DENND1C: variants seen among roughly 807,000 people sequenced by gnomAD.
DENND1C encodes DENN domain containing 1C.
In DENND1C, 64 loss-of-function variants were observed where a neutral mutation model predicts 87.9. The observed-to-expected ratio is 0.73, with a 90% CI of 0.60 to 0.90. The LOEUF is 0.90. Among genes scored for constraint, DENND1C ranks in the 40% least tolerant of loss-of-function variants. DENND1C has a pLI of 0.00. For synonymous variants in DENND1C, 384 were observed against 424.4 expected, an observed-to-expected ratio of 0.90 and a Z score of 1.17; for missense variants, 980 against 1,037.0, an observed-to-expected ratio of 0.95 and a Z score of 0.76.
chr19:6,480,303 G>A, intron 1 of DENND1C: 1 of 1,404,386 alleles, frequency 7.1e-7, no homozygotes, highest in Non-Finnish European at 9.3e-7. Context: ...GATTGTGTGT[G>A]GCTGAGTGCA....
At chr19:6,468,691 G>C in intron 20 of DENND1C, 46 bp from the exon 21 acceptor site, 2 of 1,429,148 alleles carry the variant, frequency 1.4e-6, no homozygotes, top group Non-Finnish European at 1.9e-6. Flanking sequence ...TGCAGAATCG[G>C]GGGGCTGAGG....
At chr19:6,476,585 G>C (rs1347445081) in intron 10 of DENND1C, 2 of 427,390 alleles carry the variant, frequency 4.7e-6, no homozygotes, top group Non-Finnish European at 4.2e-6. Flanking sequence ...CAGTGTCCCT[G>C]AGGGTCCGGA....
At position 6,475,896 on chromosome 19, in the gene DENND1C, G is replaced by T; in HGVS notation, c.720C>A (p.Pro240=). Residue 240 remains proline, a synonymous_variant, in exon 11 of 23, where the codon CCC becomes CCA. Coordinates refer to ENST00000381480, the MANE Select transcript of DENND1C (RefSeq NM_024898.4). Reference sequence around the variant, plus strand: ...GGATCAGCACGTGCTCCCAGCGCATGGGGTACAGGAGCGCGCAGGACGCGT... The same window carrying T: ...GGATCAGCACGTGCTCCCAGCGCATTGGGTACAGGAGCGCGCAGGACGCGT... ...CVHASCALLY[P]MRWEHVLIPT... 1 of 1,567,030 alleles carries T rather than the reference G, an allele frequency of 6.4e-7. No individual in the cohort carries two copies. Among genetic ancestry groups the T allele is most frequent in the East Asian group, 2.3e-5 (1 of 43,714 alleles).
In DENND1C at chr19:6,476,966, C is replaced by G. The variant is rs1351517900; in HGVS notation, c.569G>C (p.Arg190Thr). The G allele has an allele frequency of 6.2e-7, 1 of 1,613,716 alleles. No individual in the cohort carries two copies. The highest frequency in any genetic ancestry group is 8.5e-7 in the Non-Finnish European group (1 of 1,179,806). ...GGCCACCACCAGCTCCGTTAGGTTC[C>G]TCTGAGGATCAGAGAGTCGCTCTGG... ...SGRLPSIPEN[R>T]NLTELVVAVT... Residue 190 changes from arginine (R) to threonine (T), a missense_variant and splice_region_variant, in exon 10 of 23, where the codon AGG becomes ACG. Arg to Thr is a moderately conservative substitution (Grantham distance 71, BLOSUM62 -1). Transcript: ENST00000381480.
chr19:6,468,807 T>TA, intron 20 of DENND1C, 39 bp downstream of exon 20: 2 of 1,484,212 alleles, frequency 1.3e-6, no homozygotes. Context: ...GATTCAGTGA[T>TA]AATTCCAGGT....
At chr19:6,469,005 C>T (rs944800881) in intron 19 of DENND1C, 52 bp from the exon 20 acceptor site, 2 of 1,084,128 alleles carry the variant, frequency 1.8e-6, no homozygotes, top group East Asian at 3.0e-5. Context: ...CTCCCCACCA[C>T]CCCCTACCAT....
In DENND1C at chr19:6,467,634, C is replaced by T. The variant is rs757345339; in HGVS notation, c.2276G>A (p.Arg759His). ...ARPPKALLAE[R>H]AHLQPREEPG... ...TTCCTCCCGTGGCTGGAGGTGAGCG[C>T]GCTCTGCCAGCAGGGCTTTGGGAGG... The change falls in exon 23 of 23, where the codon CGC becomes CAC. Residue 759 changes from arginine (R) to histidine (H), a missense_variant. Transcript: ENST00000381480. 2.6e-5 allele frequency: 40 copies of T among 1,551,104 alleles called. No individual in the cohort carries two copies. Among genetic ancestry groups the T allele is most frequent in the Admixed American group, 8.3e-5 (4 of 48,084 alleles).
At chr19:6,474,491 C>G (rs749852787) in intron 14 of DENND1C, among the ~76,000 whole-genome samples, 2 of 152,208 alleles carry the variant, frequency 1.3e-5, no homozygotes, top group Non-Finnish European at 1.5e-5. Context: ...GGGACTTCTC[C>G]AAAGCCTTGG....
Position 6,479,388 on chromosome 19 carries a change from CTGAATCCT to C in DENND1C, c.176+273_176+280del, listed in dbSNP as rs1179269305. Among the ~76,000 whole-genome samples the C allele has an allele frequency of 3.9e-4, 57 of 144,360 alleles. 3 individuals are homozygous for C. The highest frequency in any genetic ancestry group is 1.6e-3 in the African/African-American group (56 of 34,636). The allele number at this position is 144,360 out of a possible 152,430, so 94.7% of individuals were successfully genotyped here. Reference sequence around the variant, plus strand: ...TCTGAGTCTCTGGGTTCCGAAGTCCCTGAATCCTTGTGTCCCTGAGTCCTTGAGTCTCT... The same window carrying C: ...TCTGAGTCTCTGGGTTCCGAAGTCCCTGTGTCCCTGAGTCCTTGAGTCTCT... On this transcript the variant is annotated intron_variant, in intron 4 of 22. Coordinates refer to ENST00000381480, the MANE Select transcript of DENND1C (RefSeq NM_024898.4).
chr19:6,469,003 C>G (rs911862860), intron 19 of DENND1C, 50 bp from the exon 20 acceptor site: 79 of 1,088,042 alleles, frequency 7.3e-5, no homozygotes, highest in Non-Finnish European at 9.6e-5. Flanking sequence ...GTCTCCCCAC[C>G]ACCCCCTACC....
At chr19:6,481,199 C>CAGGGAGATCTAG (rs1913541593) in intron 1 of DENND1C, among the ~76,000 whole-genome samples, 1 of 151,628 alleles carries the variant, frequency 6.6e-6, no homozygotes, top group Non-Finnish European at 1.5e-5. Context: ...AGGAGAGAGA[C>CAGGGAGATCTAG]AGGGAGATCT....
chr19:6,472,713 A>G (rs2092836292), intron 15 of DENND1C, among the ~76,000 whole-genome samples, 176 bp downstream of exon 15: 1 of 152,150 alleles, frequency 6.6e-6, no homozygotes, highest in Non-Finnish European at 1.5e-5. Flanking sequence ...TTAGGAATCC[A>G]GGAGTTCAGT....
At chr19:6,480,500 CTCTG>C (rs1053591234) in intron 1 of DENND1C, 12 of 983,412 alleles carry the variant, frequency 1.2e-5, no homozygotes, top group Non-Finnish European at 1.4e-5. Flanking sequence ...GTCTGTCTGT[CTCTG>C]TCTATCCATC....
chr19:6,473,295 C>G (rs1179214964), intron 14 of DENND1C, among the ~76,000 whole-genome samples: 3 of 152,054 alleles, frequency 2.0e-5, no homozygotes, highest in Admixed American at 6.6e-5. Context: ...GCTGGGACTA[C>G]AGGCACGTGC....
rs369846201 is a variant in DENND1C, at chr19:6,475,254, G to T, written c.1053+20C>A. On this transcript the variant is annotated intron_variant, in intron 14 of 22. Transcript: ENST00000381480. Reference sequence around the variant, plus strand: ...TTCAGGAACCCACGAGACCTCTCCCGCAGCGTCCCCGCTGCTCACCGGGCT... The same window carrying T: ...TTCAGGAACCCACGAGACCTCTCCCTCAGCGTCCCCGCTGCTCACCGGGCT... The T allele has an allele frequency of 2.5e-6, 4 of 1,612,074 alleles. No individual in the cohort carries two copies. The South Asian group carries it at 4.4e-5, about 18-fold the overall frequency.
intron 15 of DENND1C, 66 bp downstream of exon 15, chr19:6,472,823 G>C (rs1599381995): frequency 7.4e-7 from 1 of 1,343,052 alleles, no homozygotes; most frequent in East Asian, 2.8e-5. Context: ...TGCCAGTTCA[G>C]ACAAGCCCTC....
chr19:6,477,353 C>T (rs754400188), intron 7 of DENND1C, 25 bp downstream of exon 7: 13 of 1,612,746 alleles, frequency 8.1e-6, no homozygotes, highest in Middle Eastern at 1.6e-4. Context: ...TAAGGTCCAG[C>T]GCCCAGGGAA....
rs374096460 is a variant in DENND1C at position 6,475,301 on chromosome 19, C to T, written c.1026G>A (p.Gly342=). The part of the protein sequence containing the change: ...FLKAQALLFG[G]YRDALVCSPG... ...GGCTGCAGACGAGTGCGTCGCGGTA[C>T]CCCCCGAAGAGCAGGGCCTGGGCTT... The change falls in exon 14 of 23, where the codon GGG becomes GGA. Residue 342 remains glycine, a synonymous_variant. Transcript: ENST00000381480. 16 of 1,613,066 alleles carry T rather than the reference C, an allele frequency of 9.9e-6. No homozygotes were observed. Among genetic ancestry groups the T allele is most frequent in the East Asian group, 4.5e-5 (2 of 44,876 alleles).
chr19:6,479,364 C>G lies in DENND1C; in HGVS notation c.176+305G>C, dbSNP rs991984296. Among the ~76,000 whole-genome samples, 17 of 150,248 alleles carry G rather than the reference C, an allele frequency of 1.1e-4. 2 individuals carry two copies. Among genetic ancestry groups the G allele is most frequent in the African/African-American group, 4.0e-4 (16 of 40,042 alleles). On this transcript the variant is annotated intron_variant, in intron 4 of 22. Transcript: ENST00000381480. ...CCCTGAGTCCCTGGTCCCTGAGTTT[C>G]TGAGTCTCTGGGTTCCGAAGTCCCT...
Sources: allele counts gnomAD v4.1 joint callset (sites outside exome capture counted in the v4.1 genomes callset), GRCh38; gene constraint gnomAD v4.1.1; transcripts MANE v1.5; gene names NCBI Gene and HGNC (gene_info 2026-07-23, HGNC 2026-07-21).